Variants in UBALD1 observed in about 807,000 individuals in gnomAD.
UBALD1 encodes UBA-like domain-containing protein 1.
In UBALD1, 5 loss-of-function variants were observed where a neutral mutation model predicts 16.1. That is an observed-to-expected ratio of 0.31 (90% CI 0.16 to 0.66). The LOEUF is 0.66. Among genes scored for constraint, UBALD1 ranks in the 30% least tolerant of loss-of-function variants. UBALD1 has a pLI of 0.77. For synonymous variants in UBALD1, 146 were observed against 105.3 expected, an observed-to-expected ratio of 1.39 and a Z score of -2.37; for missense variants, 220 against 252.8, an observed-to-expected ratio of 0.87 and a Z score of 0.88.
At position 4,614,708 on chromosome 16, in the gene UBALD1, T is replaced by C. The variant is rs1329076451; in HGVS notation, c.90A>G (p.Gln30=). The C allele has an allele frequency of 1.9e-6, 3 of 1,554,820 alleles. No homozygotes were observed. The highest frequency in any genetic ancestry group is 2.6e-5 in the East Asian group (1 of 37,850). ...TAGCAADQAK[Q]LLQAAHWQFE... ...ACTGCCAGTGGGCCGCCTGCAGCAGTTGCTTCGCCTGGTCGGCCGCGCAGC... is the reference window on the plus strand; with the variant it reads ...ACTGCCAGTGGGCCGCCTGCAGCAGCTGCTTCGCCTGGTCGGCCGCGCAGC... The change falls in exon 1 of 3, where the codon CAA becomes CAG. Residue 30 remains glutamine, a synonymous_variant. Coordinates refer to ENST00000283474, the MANE Select transcript of UBALD1 (RefSeq NM_145253.3).
Position 4,614,861 on chromosome 16 carries a change from C to G in UBALD1, c.-64G>C. 7.1e-7 allele frequency: 1 copy of G among 1,402,626 alleles called. No homozygotes were observed. The highest frequency in any genetic ancestry group is 1.5e-5 in the African/African-American group (1 of 67,162). The allele number at this position is 1,402,626 out of a possible 1,614,324, so 86.9% of individuals were successfully genotyped here. A position where few individuals can be genotyped will look rare whatever the true frequency, so the allele number is the denominator to read the frequency against. Reference sequence around the variant, plus strand: ...CCCGCGCCTCCGCCTCACGCGTCCACCATTAGCGAGCCGGCTCCGGCTAAT... The same window carrying G: ...CCCGCGCCTCCGCCTCACGCGTCCAGCATTAGCGAGCCGGCTCCGGCTAAT... On this transcript the variant is annotated 5_prime_UTR_variant, in exon 1 of 3. Coordinates refer to ENST00000283474, the MANE Select transcript of UBALD1 (RefSeq NM_145253.3).
intron 1 of UBALD1, chr16:4,614,411 T>TGGG (rs138923012): frequency 3.4e-5 from 13 of 378,212 alleles, no homozygotes; most frequent in Admixed American, 9.5e-5. Context: ...ACAAAAGGGG[T>TGGG]GGGGGGGGTC....
At chr16:4,610,272 T>G (rs569582589) in intron 2 of UBALD1, 119 of 714,952 alleles carry the variant, frequency 1.7e-4, no homozygotes, top group South Asian at 1.5e-3. Flanking sequence ...GGAGCTTCAT[T>G]GCCCCAGAGG....
At chr16:4,614,657 C>A in intron 1 of UBALD1, 21 bp downstream of exon 1, 1 of 1,500,100 alleles carries the variant, frequency 6.7e-7, no homozygotes, top group African/African-American at 1.4e-5. Context: ...CCGGCCCTCG[C>A]CCGGCTCCGG....
In UBALD1 at chr16:4,614,817, C is replaced by T; in HGVS notation, c.-20G>A. On this transcript the variant is annotated 5_prime_UTR_variant, in exon 1 of 3. Transcript: ENST00000283474. ...GGACATGGCGCCGCCGCGCTGCCCG[C>T]TCCGGCCTCCCTCCTCCGCCCGCGC... 1 of 1,493,572 alleles carries T rather than the reference C, an allele frequency of 6.7e-7. No individual in the cohort carries two copies. The highest frequency in any genetic ancestry group is 8.9e-7 in the Non-Finnish European group (1 of 1,122,204). The allele number at this position is 1,493,572 out of a possible 1,614,324, so 92.5% of individuals were successfully genotyped here.
chr16:4,609,606 G>T lies in UBALD1; in HGVS notation c.*27C>A. 9.2e-7 allele frequency: 1 copy of T among 1,088,298 alleles called. No individual in the cohort carries two copies. The highest frequency in any genetic ancestry group is 1.2e-6 in the Non-Finnish European group (1 of 807,674). 67.4% of individuals were successfully genotyped at this position (1,088,298 alleles called of 1,614,324 possible). On this transcript the variant is annotated 3_prime_UTR_variant, in exon 3 of 3. Coordinates refer to ENST00000283474, the MANE Select transcript of UBALD1 (RefSeq NM_145253.3). Reference sequence around the variant, plus strand: ...CTCTCCCCCGCCCCACGGGGTCCTGGCCTCCGGGAGGGGGGAGGGGCCTCC... The same window carrying T: ...CTCTCCCCCGCCCCACGGGGTCCTGTCCTCCGGGAGGGGGGAGGGGCCTCC...
At chr16:4,614,463 C>A in intron 1 of UBALD1, 1 of 668,344 alleles carries the variant, frequency 1.5e-6, no homozygotes, top group South Asian at 3.3e-5. Context: ...GCGGGGGCGG[C>A]GTATCCCCGA....
At position 4,609,714 on chromosome 16, in the gene UBALD1, C is replaced by T. The variant is rs575818854; in HGVS notation, c.453G>A (p.Pro151=). The part of the protein sequence containing the change: ...PPLWTPTPPS[P]ASDWPPLAPQ... ...GGGCCAGGGGTGGCCAGTCTGAAGC[C>T]GGAGAAGGGGGTGTTGGAGTCCACA... The change falls in exon 3 of 3, where the codon CCG becomes CCA. Residue 151 remains proline, a synonymous_variant. Coordinates refer to ENST00000283474, the MANE Select transcript of UBALD1 (RefSeq NM_145253.3). The T allele has an allele frequency of 8.8e-6, 13 of 1,478,224 alleles. No homozygotes were observed. Among genetic ancestry groups the T allele is most frequent in the South Asian group, 8.5e-5 (6 of 70,340 alleles). 91.6% of individuals were successfully genotyped at this position (1,478,224 alleles called of 1,614,324 possible). A position where few individuals can be genotyped will look rare whatever the true frequency, so the allele number is the denominator to read the frequency against.
chr16:4,614,519 C>T, intron 1 of UBALD1, 159 bp downstream of exon 1: 1 of 1,239,528 alleles, frequency 8.1e-7, no homozygotes, highest in East Asian at 3.2e-5. Context: ...CCCTTGGGAT[C>T]CGGACGCCGG....
chr16:4,614,546 A>G, intron 1 of UBALD1, 132 bp downstream of exon 1: 1 of 1,313,122 alleles, frequency 7.6e-7, no homozygotes, highest in Non-Finnish European at 9.9e-7. Context: ...CCGTCGGGAA[A>G]GCGGGTCGGG....
chr16:4,613,388 C>T (rs918722352), intron 1 of UBALD1, among the ~76,000 whole-genome samples: 4 of 152,266 alleles, frequency 2.6e-5, no homozygotes, highest in African/African-American at 4.8e-5. Flanking sequence ...GATCAGTGGC[C>T]TCCGCGACGG....
rs759032229 is a variant in UBALD1, at chr16:4,614,839, G to C, written c.-42C>G. Reference sequence around the variant, plus strand: ...CCGCTCCGGCCTCCCTCCTCCGCCCGCGCCTCCGCCTCACGCGTCCACCAT... The same window carrying C: ...CCGCTCCGGCCTCCCTCCTCCGCCCCCGCCTCCGCCTCACGCGTCCACCAT... On this transcript the variant is annotated 5_prime_UTR_variant, in exon 1 of 3. Coordinates refer to ENST00000283474, the MANE Select transcript of UBALD1 (RefSeq NM_145253.3). 5 of 1,456,044 alleles carry C rather than the reference G, an allele frequency of 3.4e-6. No individual in the cohort carries two copies. The South Asian group carries it at 7.1e-5, about 21-fold the overall frequency. 90.2% of individuals were successfully genotyped at this position (1,456,044 alleles called of 1,614,324 possible). A position where few individuals can be genotyped will look rare whatever the true frequency, so the allele number is the denominator to read the frequency against.
At chr16:4,614,416 G>GA (rs755980792) in intron 1 of UBALD1, 6 of 443,892 alleles carry the variant, frequency 1.4e-5, no homozygotes, top group Non-Finnish European at 1.9e-5. Context: ...AGGGGTGGGG[G>GA]GGGTCCCCGT....
At chr16:4,611,195 T>G (rs1897354184) in intron 1 of UBALD1, 1 of 153,768 alleles carries the variant, frequency 6.5e-6, no homozygotes, top group South Asian at 2.1e-4. Context: ...TCCCCTCCCT[T>G]GCAACAGTGA....
Position 4,609,843 on chromosome 16 carries a change from CG to C in UBALD1, c.323del (p.Pro108ArgfsTer116). On this transcript the variant is annotated frameshift_variant, in exon 3 of 3. Transcript: ENST00000283474. LOFTEE classifies it high-confidence loss of function. ...SPMAATATSP[P>X]PHFPHAATSS... is the part of the protein sequence containing the mutation. ...TGGTGGCGGCATGGGGGAAGTGTGG[CG>C]GGGGTGACGTGGCTGTCGCGGCCAT... The C allele has an allele frequency of 2.0e-6, 3 of 1,506,978 alleles. No individual in the cohort carries two copies. Among genetic ancestry groups the C allele is most frequent in the Non-Finnish European group, 1.8e-6 (2 of 1,128,462 alleles). The allele number at this position is 1,506,978 out of a possible 1,614,324, so 93.4% of individuals were successfully genotyped here.
intron 1 of UBALD1, chr16:4,614,411 T>G (rs1218208110): frequency 3.7e-5 from 14 of 378,206 alleles, no homozygotes; most frequent in South Asian, 8.0e-5. Flanking sequence ...ACAAAAGGGG[T>G]GGGGGGGGTC....
At chr16:4,613,804 G>C (rs841188) in intron 1 of UBALD1, among the ~76,000 whole-genome samples, 88 of 152,078 alleles carry the variant, frequency 5.8e-4, no homozygotes, top group African/African-American at 2.0e-3. Context: ...AGGCCCGGGG[G>C]AGTGGGTGCC....
At chr16:4,611,853 A>G (rs568297016) in intron 1 of UBALD1, among the ~76,000 whole-genome samples, 3 of 152,146 alleles carry the variant, frequency 2.0e-5, no homozygotes, top group South Asian at 4.1e-4. Context: ...GGAGCCCCAC[A>G]AGTATTTGAG....
intron 1 of UBALD1, chr16:4,614,415 G>GT: frequency 2.3e-6 from 1 of 441,928 alleles, no homozygotes; most frequent in East Asian, 3.8e-5. Context: ...AAGGGGTGGG[G>GT]GGGGTCCCCG....
Sources: gnomAD v4.1 joint callset for allele counts (sites outside exome capture counted in the v4.1 genomes callset) on GRCh38, gnomAD v4.1.1 for gene constraint, MANE v1.5 for transcripts, NCBI Gene and HGNC (gene_info 2026-07-23, HGNC 2026-07-21) for gene names.